The following MPHOSPH10 variants were observed in gnomAD, a reference collection of about 807,000 sequenced individuals.
The protein encoded by MPHOSPH10 is M-phase phosphoprotein 10, also known as U3 small nucleolar ribonucleoprotein MPP10.
MPHOSPH10 carries 33 observed loss-of-function variants against 77.3 expected under a neutral mutation model. That is an observed-to-expected ratio of 0.43 (90% CI 0.32 to 0.57). The LOEUF is 0.57. MPHOSPH10 is among the 20% of genes least tolerant of loss of function. The pLI, the probability that MPHOSPH10 is intolerant of heterozygous loss-of-function variation, is 0.07. For synonymous variants in MPHOSPH10, 245 were observed against 268.0 expected, an observed-to-expected ratio of 0.91 and a Z score of 0.84; for missense variants, 708 against 780.1, an observed-to-expected ratio of 0.91 and a Z score of 1.10.
rs13025120 is a variant in MPHOSPH10 at position 71,135,658 on chromosome 2, C to A, written c.1098+861C>A. Among the ~76,000 whole-genome samples the A allele has an allele frequency of 3.3e-5, 5 of 150,752 alleles. No homozygotes were observed. In the East Asian group the frequency reaches 5.8e-4, roughly 18 times the overall value. ...GTCCTGTGAGCATCTTAACTGTTTC[C>A]ACTGTTTTGGAGGATACCACATATG... is the stretch of plus-strand genomic sequence containing the variant. On this transcript the variant is annotated intron_variant, in intron 4 of 10. Transcript: ENST00000244230.
chr2:71,140,309 C>A (rs72905528), intron 6 of MPHOSPH10, among the ~76,000 whole-genome samples: 7 of 152,108 alleles, frequency 4.6e-5, no homozygotes, highest in East Asian at 3.8e-4. Context: ...GGTCGAGGGG[C>A]CTTCTTACCA....
In MPHOSPH10 at chr2:71,139,173, T is replaced by C. The variant is rs150290334; in HGVS notation, c.1240+542T>C. 2.3e-3 allele frequency: 383 copies of C among 168,348 alleles called. 1 individual carries two copies. Among genetic ancestry groups the C allele is most frequent in the African/African-American group, 8.5e-3 (355 of 41,978 alleles). The allele number at this position is 168,348 out of a possible 1,614,324, so 10.4% of individuals were successfully genotyped here. ...CTTTCTCTCCCTAGCATATGTAAGA[T>C]TGTATATGTGCCCTTTTTTTAAGTA... On this transcript the variant is annotated intron_variant, in intron 5 of 10. Transcript: ENST00000244230.
Position 71,149,343 on chromosome 2 carries a change from A to G in MPHOSPH10, c.1786A>G (p.Arg596Gly). ...GAAAATAAAAGAGAAGGAGAAGCGG[A>G]GAAAACTGCTTGAAAAGAGCAGTGT... ...RMKIKEKEKR[R>G]KLLEKSSVDQ... The change falls in exon 10 of 11, where the codon AGA becomes GGA. Residue 596 changes from arginine (R) to glycine (G), a missense_variant. Arg to Gly is a moderately radical substitution (Grantham distance 125). Coordinates refer to ENST00000244230, the MANE Select transcript of MPHOSPH10 (RefSeq NM_005791.3). The G allele has an allele frequency of 6.2e-7, 1 of 1,614,142 alleles. No individual in the cohort carries two copies. The highest frequency in any genetic ancestry group is 8.5e-7 in the Non-Finnish European group (1 of 1,179,980).
rs905745716 is a variant in MPHOSPH10, at chr2:71,134,871, A to C, written c.1098+74A>C. 4 of 1,226,908 alleles carry C rather than the reference A, an allele frequency of 3.3e-6. No homozygotes were observed. In the African/African-American group the frequency reaches 6.1e-5, roughly 19 times the overall value. The allele number at this position is 1,226,908 out of a possible 1,614,324, so 76.0% of individuals were successfully genotyped here. Reference sequence around the variant, plus strand: ...TTTGAAAACTATTAACCATCCTTTGAAAACAAATATCTTGGCCAGGTGCAG... The same window carrying C: ...TTTGAAAACTATTAACCATCCTTTGCAAACAAATATCTTGGCCAGGTGCAG... On this transcript the variant is annotated intron_variant, in intron 4 of 10. Coordinates refer to ENST00000244230, the MANE Select transcript of MPHOSPH10 (RefSeq NM_005791.3).
chr2:71,147,227 G>A (rs72905547), intron 8 of MPHOSPH10, among the ~76,000 whole-genome samples: 6,175 of 151,794 alleles, frequency 0.041, 373 homozygotes, highest in African/African-American at 0.13. Flanking sequence ...TTTTTTTTCT[G>A]TAAGCAAAGT....
chr2:71,148,301 G>A (rs1223383870), intron 9 of MPHOSPH10, 195 bp downstream of exon 9: 1 of 511,270 alleles, frequency 2.0e-6, no homozygotes, highest in Non-Finnish European at 3.5e-6. Context: ...TTTATTATGA[G>A]GTACAGGTTT....
chr2:71,138,443 A>G (rs1673539280), intron 4 of MPHOSPH10, 47 bp from the exon 5 acceptor site: 3 of 1,401,476 alleles, frequency 2.1e-6, no homozygotes, highest in Non-Finnish European at 2.9e-6. Context: ...CACAAATATA[A>G]GATTTTATTT....
rs1419653451 is a variant in MPHOSPH10, at chr2:71,132,822, G to A, written c.90-76G>A. 7.5e-6 allele frequency: 11 copies of A among 1,476,356 alleles called. No individual in the cohort carries two copies. The South Asian group carries it at 9.8e-5, about 13-fold the overall frequency. 91.5% of individuals were successfully genotyped at this position (1,476,356 alleles called of 1,614,324 possible). On this transcript the variant is annotated intron_variant, in intron 1 of 10. Coordinates refer to ENST00000244230, the MANE Select transcript of MPHOSPH10 (RefSeq NM_005791.3). ...AAATTTTATTTTACAAAAGAGTTGG[G>A]TTTTTTTTATTTTTATTAAGAGTGC... is the stretch of plus-strand genomic sequence containing the variant.
intron 7 of MPHOSPH10, among the ~76,000 whole-genome samples, chr2:71,143,357 T>G (rs1250623705): frequency 6.6e-6 from 1 of 152,096 alleles, no homozygotes; most frequent in Non-Finnish European, 1.5e-5. Flanking sequence ...GGTCTCGATC[T>G]CCTGACCTCG....
Position 71,148,115 on chromosome 2 carries a change from C to A in MPHOSPH10, c.1665+9C>A. The A allele has an allele frequency of 6.2e-7, 1 of 1,600,868 alleles. No homozygotes were observed. Among genetic ancestry groups the A allele is most frequent in the Non-Finnish European group, 8.6e-7 (1 of 1,168,074 alleles). On this transcript the variant is annotated intron_variant, in intron 9 of 10. Coordinates refer to ENST00000244230, the MANE Select transcript of MPHOSPH10 (RefSeq NM_005791.3). ...CCCCAGAGGAGATCAAGGTAAGAAGCCAATGTTGAAACCTTAAATGTCTGT... is the reference window on the plus strand; with the variant it reads ...CCCCAGAGGAGATCAAGGTAAGAAGACAATGTTGAAACCTTAAATGTCTGT...
chr2:71,141,197 G>C, intron 6 of MPHOSPH10, 35 bp from the exon 7 acceptor site: 1 of 1,315,738 alleles, frequency 7.6e-7, no homozygotes. Flanking sequence ...TAAATTGTAG[G>C]TTTTGTTATG....
chr2:71,147,926 T>C, intron 8 of MPHOSPH10, 73 bp from the exon 9 acceptor site: 1 of 1,122,784 alleles, frequency 8.9e-7, no homozygotes. Context: ...TTTAAGTTAA[T>C]AGGTTCACAG....
intron 8 of MPHOSPH10, among the ~76,000 whole-genome samples, chr2:71,145,389 C>A (rs760652652): frequency 1.3e-5 from 2 of 152,086 alleles, no homozygotes; most frequent in African/African-American, 4.8e-5. Context: ...TCATTTGTAC[C>A]GAAGAGCTAA....
chr2:71,149,019 G>A, intron 9 of MPHOSPH10: 1 of 603,672 alleles, frequency 1.7e-6, no homozygotes, highest in Middle Eastern at 4.4e-4. Flanking sequence ...ATAAGAGTCT[G>A]TGCCTGTCAA....
chr2:71,139,243 T>C (rs1452468235), intron 5 of MPHOSPH10: 3 of 161,130 alleles, frequency 1.9e-5, no homozygotes, highest in Non-Finnish European at 4.1e-5. Context: ...CTTTTGCAGA[T>C]ATCGTCTAAG....
chr2:71,134,691 T>C lies in MPHOSPH10; in HGVS notation c.992T>C (p.Val331Ala), dbSNP rs1368801874. 1.7e-5 allele frequency: 28 copies of C among 1,611,692 alleles called. No homozygotes were observed. The highest frequency in any genetic ancestry group is 2.3e-5 in the Non-Finnish European group (27 of 1,179,096). ...NKQHKESLKR[V>A]TFALPDDAET... Reference sequence around the variant, plus strand: ...CAACATAAAGAAAGCTTGAAAAGAGTGACCTTTGCTTTACCAGATGATGCG... The same window carrying C: ...CAACATAAAGAAAGCTTGAAAAGAGCGACCTTTGCTTTACCAGATGATGCG... Residue 331 changes from valine (V) to alanine (A), a missense_variant, in exon 4 of 11, where the codon GTG (valine) becomes GCG (alanine). Physicochemically the swap from Val to Ala is moderately conservative, Grantham distance 64. This residue lies in a region of MPHOSPH10 where 433 missense variants were observed against 432.6 expected (regional missense o/e 1.00). Transcript: ENST00000244230.
intron 4 of MPHOSPH10, among the ~76,000 whole-genome samples, chr2:71,137,938 C>G (rs567609709): frequency 1.3e-5 from 2 of 151,846 alleles, no homozygotes; most frequent in African/African-American, 2.4e-5. Flanking sequence ...CTAAAAAATA[C>G]AAAAATTAGC....
In MPHOSPH10 at chr2:71,130,715, A is replaced by C. The variant is rs1673359183; in HGVS notation, c.50A>C (p.Glu17Ala). 6.2e-7 allele frequency: 1 copy of C among 1,610,980 alleles called. No individual in the cohort carries two copies. The highest frequency in any genetic ancestry group is 8.5e-7 in the Non-Finnish European group (1 of 1,179,322). The change falls in exon 1 of 11, where the codon GAA becomes GCA. Residue 17 changes from glutamate (E) to alanine (A), a missense_variant. Physicochemically the swap from Glu to Ala is moderately radical, Grantham distance 107 (BLOSUM62 -1). This residue lies in a region of MPHOSPH10 where 433 missense variants were observed against 432.6 expected (regional missense o/e 1.00). Transcript: ENST00000244230. ...CGGACCCTGGAGCGGTGTCTGACGG[A>C]AGTCGGCAAAGCCACGGGTCGGCCC... ...RRRTLERCLTEVGKATGRPEC... is the reference protein window; with the variant it reads ...RRRTLERCLTAVGKATGRPEC...
chr2:71,134,793 A>T lies in MPHOSPH10; in HGVS notation c.1094A>T (p.Glu365Val). 5 of 1,564,128 alleles carry T rather than the reference A, an allele frequency of 3.2e-6. No homozygotes were observed. Among genetic ancestry groups the T allele is most frequent in the Non-Finnish European group, 4.3e-6 (5 of 1,149,946 alleles). Residue 365 changes from glutamate to valine, a missense_variant, in exon 4 of 11, where the codon GAA (glutamate) becomes GTA (valine). Around this residue, in one of 3 missense-constraint regions of MPHOSPH10, gnomAD observed 433 missense variants for 432.6 expected, o/e 1.00. Coordinates refer to ENST00000244230, the MANE Select transcript of MPHOSPH10 (RefSeq NM_005791.3). ...AAATCCTCCTTTGAAAAAAGACAGG[A>T]AAAGGTAATTAGTAATTTAAGGAAT... ...EVKSSFEKRQ[E>V]KMNEKIASLE...
Sources: allele counts gnomAD v4.1 joint callset (sites outside exome capture counted in the v4.1 genomes callset), GRCh38; gene constraint gnomAD v4.1.1; regional missense constraint gnomAD v4.1.1; transcripts MANE v1.5; gene names NCBI Gene and HGNC (gene_info 2026-07-23, HGNC 2026-07-21).